The following PTPRE variants were observed in gnomAD, a reference collection of about 807,000 sequenced individuals.
PTPRE encodes receptor-type tyrosine-protein phosphatase epsilon.
PTPRE carries 51 observed loss-of-function variants against 102.0 expected under a neutral mutation model. That is an observed-to-expected ratio of 0.50 (90% CI 0.40 to 0.63). The LOEUF (loss-of-function observed/expected upper bound fraction) is 0.63, where lower values mean the gene tolerates loss of function less well. PTPRE is among the 30% of genes least tolerant of loss of function. The pLI is 0.00. For missense variants in PTPRE, 752 were observed against 915.1 expected (o/e 0.82, Z 2.30); for synonymous variants, 345 against 348.2 (o/e 0.99, Z 0.10).
At chr10:127,935,569 C>T (rs141156165) in intron 1 of PTPRE, among the ~76,000 whole-genome samples, 1,693 of 152,238 alleles carry the variant, frequency 0.011, 17 homozygotes, top group Non-Finnish European at 0.017. Flanking sequence ...CCTTTCTTCC[C>T]GCGGGGACCC....
Position 128,085,217 on chromosome 10 carries a change from C to T in PTPRE, c.*2311C>T, listed in dbSNP as rs1025802044. On this transcript the variant is annotated 3_prime_UTR_variant, in exon 21 of 21. Transcript: ENST00000254667. ...TCACAGGATCTCCTGGGCCTTGGAG[C>T]ACCTCACGCTGGGGGAATCAATCCC... The T allele has an allele frequency of 4.2e-5, 17 of 408,380 alleles. No homozygotes were observed. The highest frequency in any genetic ancestry group is 8.5e-5 in the Non-Finnish European group (17 of 200,298). 25.3% of individuals were successfully genotyped at this position (408,380 alleles called of 1,614,324 possible).
intron 5 of PTPRE, 132 bp downstream of exon 5, chr10:128,047,969 C>T: frequency 1.2e-6 from 1 of 849,770 alleles, no homozygotes; most frequent in Non-Finnish European, 1.8e-6. Flanking sequence ...CTCACTCTAC[C>T]TGGTATGATG....
intron 1 of PTPRE, among the ~76,000 whole-genome samples, chr10:127,945,482 A>G (rs1848559503): frequency 6.6e-6 from 1 of 152,358 alleles, no homozygotes; most frequent in South Asian, 2.1e-4. Flanking sequence ...GTCTCAGAAC[A>G]AATGTCACAA....
intron 6 of PTPRE, among the ~76,000 whole-genome samples, chr10:128,053,339 T>C (rs1345183570): frequency 1.2e-4 from 18 of 152,192 alleles, no homozygotes; most frequent in African/African-American, 4.1e-4. Flanking sequence ...ATTTACATAA[T>C]GGGACAGCCA....
intron 2 of PTPRE, among the ~76,000 whole-genome samples, chr10:128,014,285 C>T (rs1339803019): frequency 1.3e-5 from 2 of 152,150 alleles, no homozygotes; most frequent in Non-Finnish European, 2.9e-5. Context: ...AAATATGGAG[C>T]GTTCTCTCCT....
intron 1 of PTPRE, among the ~76,000 whole-genome samples, chr10:127,948,227 T>A (rs1848763739): frequency 6.6e-6 from 1 of 152,164 alleles, no homozygotes. Context: ...CCCCTCCTTT[T>A]TTTTTGTTTA....
chr10:128,005,825 G>C (rs953356893), intron 2 of PTPRE, among the ~76,000 whole-genome samples: 1 of 152,104 alleles, frequency 6.6e-6, no homozygotes, highest in Non-Finnish European at 1.5e-5. Flanking sequence ...CCAAGGCGTC[G>C]GCAGGGCTGT....
chr10:127,919,542 C>T (rs1382243390), intron 1 of PTPRE, among the ~76,000 whole-genome samples: 2 of 152,226 alleles, frequency 1.3e-5, no homozygotes, highest in African/African-American at 2.4e-5. Flanking sequence ...GCCTGCAACA[C>T]GGCTTATGGT....
chr10:127,948,627 G>C (rs1848798257), intron 1 of PTPRE, among the ~76,000 whole-genome samples: 1 of 152,094 alleles, frequency 6.6e-6, no homozygotes, highest in Non-Finnish European at 1.5e-5. Context: ...TTTCAGATTG[G>C]CTTCTTTCAC....
At chr10:128,056,237 CATGATCA>C in intron 7 of PTPRE, 24 bp downstream of exon 7, 1 of 1,566,110 alleles carries the variant, frequency 6.4e-7, no homozygotes, top group Non-Finnish European at 8.8e-7. Context: ...TTATGTTTTG[CATGATCA>C]ATGGTGTTTG....
At chr10:128,012,808 G>C (rs534957138) in intron 2 of PTPRE, among the ~76,000 whole-genome samples, 52 of 152,318 alleles carry the variant, frequency 3.4e-4, no homozygotes, top group African/African-American at 1.2e-3. Context: ...TTTCAGGGGA[G>C]TGTGGTCTCC....
intron 1 of PTPRE, among the ~76,000 whole-genome samples, chr10:127,946,685 G>A (rs1848643676): frequency 1.3e-5 from 2 of 152,172 alleles, no homozygotes; most frequent in African/African-American, 2.4e-5. Context: ...CACAAAGACT[G>A]CATAGAGGCA....
At chr10:128,014,726 C>T (rs1019142226) in intron 2 of PTPRE, among the ~76,000 whole-genome samples, 6 of 152,090 alleles carry the variant, frequency 3.9e-5, no homozygotes, top group Non-Finnish European at 7.4e-5. Context: ...CGTCTCAACC[C>T]CAGCTTCACC....
At chr10:127,923,097 G>A (rs749409713) in intron 1 of PTPRE, among the ~76,000 whole-genome samples, 17 of 152,244 alleles carry the variant, frequency 1.1e-4, no homozygotes, top group Admixed American at 1.0e-3. Flanking sequence ...CAGAGGCCTG[G>A]AGAGCTGGTG....
Position 128,070,917 on chromosome 10 carries a change from C to A in PTPRE, c.1387+16C>A, listed in dbSNP as rs372553387. On this transcript the variant is annotated intron_variant, in intron 15 of 20. Transcript: ENST00000254667. The surrounding 1 kb of genome is among the most constrained non-coding windows in gnomAD (Gnocchi z 4.8). ...ATCATCCCGTGTAAGGCACCCGTGG[C>A]GTGGCTTGGGCAGGGCTGGGGCGGG... 5.6e-6 allele frequency: 9 copies of A among 1,607,900 alleles called. No individual in the cohort carries two copies. Among genetic ancestry groups the A allele is most frequent in the Non-Finnish European group, 7.7e-6 (9 of 1,174,652 alleles).
In PTPRE at chr10:128,073,407, G is replaced by A. The variant is rs754233199; in HGVS notation, c.1535G>A (p.Arg512Lys). 6.2e-7 allele frequency: 1 copy of A among 1,614,234 alleles called. No homozygotes were observed. The highest frequency in any genetic ancestry group is 2.2e-5 in the East Asian group (1 of 44,880). ...GCACACACGGTTGAGGACTTCTGGA[G>A]GATGATCTGGGAATGGAAATCCCAC... ...PLAHTVEDFW[R>K]MIWEWKSHTI... Residue 512 changes from arginine to lysine, a missense_variant, in exon 17 of 21, where the codon AGG (arginine) becomes AAG (lysine). Coordinates refer to ENST00000254667, the MANE Select transcript of PTPRE (RefSeq NM_006504.6).
intron 2 of PTPRE, among the ~76,000 whole-genome samples, chr10:128,013,569 T>C (rs1215298291): frequency 1.3e-5 from 2 of 152,172 alleles, no homozygotes; most frequent in Non-Finnish European, 2.9e-5. Context: ...CCCAGATTTA[T>C]ATGCTGAAAT....
Position 127,987,031 on chromosome 10 carries a change from G to T in PTPRE, c.-8+4735G>T, listed in dbSNP as rs574171110. 5.8e-4 allele frequency among the ~76,000 whole-genome samples: 88 copies of T among 152,316 alleles called. 1 individual carries two copies. The South Asian group carries it at 0.018, about 31-fold the overall frequency. On this transcript the variant is annotated intron_variant, in intron 2 of 20. Coordinates refer to ENST00000254667, the MANE Select transcript of PTPRE (RefSeq NM_006504.6). ...TCTCCTGGTGACTGAATTAGAAGTT[G>T]ACAGTAAGTTGGAAGAATGCCTTTG...
intron 2 of PTPRE, among the ~76,000 whole-genome samples, chr10:128,020,421 A>G (rs777018228): frequency 2.2e-4 from 34 of 152,200 alleles, no homozygotes; most frequent in Non-Finnish European, 4.6e-4. Flanking sequence ...AATGGCTGTT[A>G]TTTGGTTTCC....
Sources: gnomAD v4.1 joint callset for allele counts (sites outside exome capture counted in the v4.1 genomes callset) on GRCh38, gnomAD v4.1.1 for gene constraint, Gnocchi (gnomAD v3.1) non-coding constraint, MANE v1.5 for transcripts, NCBI Gene and HGNC (gene_info 2026-07-23, HGNC 2026-07-21) for gene names.